BCAT1: variants seen among roughly 807,000 people sequenced by gnomAD.
BCAT1 encodes branched chain amino acid transaminase 1, also known as branched-chain-amino-acid aminotransferase, cytosolic.
Under a neutral mutation model 52.4 loss-of-function variants are expected in BCAT1, and 48 were observed. That is an observed-to-expected ratio of 0.92 (90% CI 0.73 to 1.16). BCAT1 has a LOEUF of 1.16. Ranked by LOEUF, BCAT1 falls within the 50% of genes most tolerant of loss-of-function variation. The pLI, the probability that BCAT1 is intolerant of heterozygous loss-of-function variation, is 0.00. For synonymous variants in BCAT1, 167 were observed against 161.3 expected, an observed-to-expected ratio of 1.04 and a Z score of -0.27; for missense variants, 451 against 457.1, an observed-to-expected ratio of 0.99 and a Z score of 0.12.
At chr12:24,898,590 G>T (rs867011639) in intron 2 of BCAT1, among the ~76,000 whole-genome samples, 1 of 124,444 alleles carries the variant, frequency 8.0e-6, no homozygotes, top group Admixed American at 1.1e-4. Context: ...ATCTCGGCTC[G>T]CTGCAACCTC....
chr12:24,948,108 T>C (rs915368027), intron 1 of BCAT1, among the ~76,000 whole-genome samples: 2 of 152,228 alleles, frequency 1.3e-5, no homozygotes, highest in African/African-American at 4.8e-5. Context: ...GAAGTTCAGA[T>C]TGCATTATGG....
rs1326226704 is a variant in BCAT1 at position 24,812,589 on chromosome 12, G to A, written c.*5419C>T. Reference sequence around the variant, plus strand: ...TAGTCACTACCTAGTAGCATTATTTGTATTTAGCAACTACATTGAAAGCTG... The same window carrying A: ...TAGTCACTACCTAGTAGCATTATTTATATTTAGCAACTACATTGAAAGCTG... On this transcript the variant is annotated 3_prime_UTR_variant, in exon 11 of 11. Coordinates refer to ENST00000261192, the MANE Select transcript of BCAT1 (RefSeq NM_005504.7). 5.3e-5 allele frequency: 8 copies of A among 151,950 alleles called. No individual in the cohort carries two copies. The highest frequency in any genetic ancestry group is 4.1e-4 in the South Asian group (2 of 4,826). The allele number at this position is 151,950 out of a possible 1,614,324, so 9.4% of individuals were successfully genotyped here. A position where few individuals can be genotyped will look rare whatever the true frequency, so the allele number is the denominator to read the frequency against.
At chr12:24,857,767 T>C (rs191014446) in intron 5 of BCAT1, among the ~76,000 whole-genome samples, 1 of 152,340 alleles carries the variant, frequency 6.6e-6, no homozygotes, top group African/African-American at 2.4e-5. Flanking sequence ...ATTTGCATTG[T>C]GTTACCTAAT....
chr12:24,881,751 G>A (rs1033190418), intron 3 of BCAT1, among the ~76,000 whole-genome samples: 2 of 152,126 alleles, frequency 1.3e-5, no homozygotes, highest in Admixed American at 6.6e-5. Context: ...AATTCCCTAG[G>A]CAATGGAGAT....
At chr12:24,928,496 C>T (rs1034071564) in intron 1 of BCAT1, among the ~76,000 whole-genome samples, 8 of 151,748 alleles carry the variant, frequency 5.3e-5, no homozygotes, top group Non-Finnish European at 8.8e-5. Context: ...ATAAATTAGC[C>T]GGGTGTGGTG....
At chr12:24,901,993 A>G (rs1479733872) in intron 1 of BCAT1, 108 bp from the exon 2 acceptor site, 1 of 1,601,220 alleles carries the variant, frequency 6.2e-7, no homozygotes, top group Admixed American at 1.7e-5. Context: ...TCCAGGACCC[A>G]GGCAAACACA....
intron 10 of BCAT1, among the ~76,000 whole-genome samples, 151 bp from the exon 11 acceptor site, chr12:24,818,200 G>A (rs1939958240): frequency 6.6e-6 from 1 of 151,970 alleles, no homozygotes; most frequent in South Asian, 2.1e-4. Context: ...ATTAAAAACT[G>A]GATTAGAGAG....
chr12:24,828,571 A>G (rs1940507173), intron 10 of BCAT1, among the ~76,000 whole-genome samples: 2 of 152,232 alleles, frequency 1.3e-5, no homozygotes, highest in African/African-American at 4.8e-5. Flanking sequence ...CATCAATATA[A>G]TGGAATTCAA....
intron 2 of BCAT1, among the ~76,000 whole-genome samples, chr12:24,899,473 G>A (rs1943037356): frequency 6.8e-6 from 1 of 148,054 alleles, no homozygotes; most frequent in Non-Finnish European, 1.5e-5. Context: ...ATGGTATGAA[G>A]CTTTCCAAAA....
At chr12:24,866,769 T>C (rs76933681) in intron 5 of BCAT1, among the ~76,000 whole-genome samples, 1 of 152,000 alleles carries the variant, frequency 6.6e-6, no homozygotes, top group Non-Finnish European at 1.5e-5. Context: ...GCTCAGGGAT[T>C]GTAAATGCAC....
intron 5 of BCAT1, among the ~76,000 whole-genome samples, chr12:24,856,735 T>C (rs1941696235): frequency 1.3e-5 from 2 of 152,196 alleles, no homozygotes; most frequent in South Asian, 4.1e-4. Flanking sequence ...TAATATTCTA[T>C]TATGGCAGCC....
At chr12:24,859,319 A>G (rs1258232844) in intron 5 of BCAT1, among the ~76,000 whole-genome samples, 2 of 152,180 alleles carry the variant, frequency 1.3e-5, no homozygotes, top group Non-Finnish European at 2.9e-5. Context: ...TCCCTCTATC[A>G]ATGAGTAAAG....
intron 5 of BCAT1, among the ~76,000 whole-genome samples, chr12:24,851,568 G>A (rs903142803): frequency 1.3e-5 from 2 of 152,142 alleles, no homozygotes; most frequent in African/African-American, 2.4e-5. Flanking sequence ...ACGACCAAAG[G>A]GCCTGGGTGG....
chr12:24,920,464 T>A (rs1431562033), intron 1 of BCAT1, among the ~76,000 whole-genome samples: 1 of 152,216 alleles, frequency 6.6e-6, no homozygotes, highest in African/African-American at 2.4e-5. Context: ...TTTTTATTTT[T>A]GGGGTAGCAT....
chr12:24,889,633 C>T (rs1353831231), intron 3 of BCAT1, among the ~76,000 whole-genome samples: 1 of 152,162 alleles, frequency 6.6e-6, no homozygotes, highest in East Asian at 1.9e-4. Flanking sequence ...TGTGTTAGGC[C>T]TCAGGGGCAG....
At chr12:24,841,970 T>C in intron 7 of BCAT1, 112 bp downstream of exon 7, 3 of 1,236,470 alleles carry the variant, frequency 2.4e-6, no homozygotes, top group Non-Finnish European at 3.4e-6. Context: ...AGTCCTTACT[T>C]AGCCTTTGGA....
Position 24,922,260 on chromosome 12 carries a change from G to C in BCAT1, c.7-20375C>G, listed in dbSNP as rs1423550396. 2.0e-5 allele frequency among the ~76,000 whole-genome samples: 3 copies of C among 152,084 alleles called. No individual in the cohort carries two copies. In the East Asian group the frequency reaches 5.8e-4, roughly 29 times the overall value. On this transcript the variant is annotated intron_variant, in intron 1 of 10. Coordinates refer to ENST00000261192, the MANE Select transcript of BCAT1 (RefSeq NM_005504.7). ...GCGTACTACAGCCTTGAACTCCTAG[G>C]CTCAAGCGATCCACCTGCCTCAGTC...
intron 5 of BCAT1, among the ~76,000 whole-genome samples, chr12:24,855,427 G>A (rs1226925435): frequency 6.6e-6 from 1 of 151,942 alleles, no homozygotes; most frequent in African/African-American, 2.4e-5. Flanking sequence ...CTTGCCCAGG[G>A]TGGAGTGCAG....
rs184561553 is a variant in BCAT1, at chr12:24,943,979, G to A, written c.6+4948C>T. 1.7e-3 allele frequency among the ~76,000 whole-genome samples: 252 copies of A among 150,492 alleles called. 1 individual carries two copies. Among genetic ancestry groups the A allele is most frequent in the East Asian group, 3.2e-3 (16 of 5,056 alleles). Reference sequence around the variant, plus strand: ...AGCCTGGGTGACAGAGCAAGACTCCGTCTCAACAAAAGAAAAAAAAAAAAG... The same window carrying A: ...AGCCTGGGTGACAGAGCAAGACTCCATCTCAACAAAAGAAAAAAAAAAAAG... On this transcript the variant is annotated intron_variant, in intron 1 of 10. Coordinates refer to ENST00000261192, the MANE Select transcript of BCAT1 (RefSeq NM_005504.7).
Sources: allele counts gnomAD v4.1 joint callset (sites outside exome capture counted in the v4.1 genomes callset), GRCh38; gene constraint gnomAD v4.1.1; transcripts MANE v1.5; gene names NCBI Gene and HGNC (gene_info 2026-07-23, HGNC 2026-07-21).